Variants in LRFN2 observed in about 807,000 individuals in gnomAD.
LRFN2 encodes leucine rich repeat and fibronectin type III domain containing 2.
LRFN2 carries 18 observed loss-of-function variants against 37.3 expected under a neutral mutation model. That is an observed-to-expected ratio of 0.48 (90% CI 0.33 to 0.72). The LOEUF (loss-of-function observed/expected upper bound fraction) is 0.72. LRFN2 is among the 30% of genes least tolerant of loss of function. The pLI, the probability that LRFN2 is intolerant of heterozygous loss-of-function variation, is 0.02. For missense variants in LRFN2, 1,006 were observed against 1,060.7 expected, an observed-to-expected ratio of 0.95 and a Z score of 0.72; for synonymous variants, 556 against 466.6, an observed-to-expected ratio of 1.19 and a Z score of -2.47.
intron 2 of LRFN2, among the ~76,000 whole-genome samples, chr6:40,418,196 C>T (rs1581689810): frequency 6.6e-6 from 1 of 152,130 alleles, no homozygotes; most frequent in East Asian, 1.9e-4. Flanking sequence ...TGAATGCATC[C>T]CTCCCCAGGG....
Position 40,391,738 on chromosome 6 carries a change from C to G in LRFN2, c.*205G>C. 2.1e-6 allele frequency: 1 copy of G among 472,596 alleles called. No homozygotes were observed. Among genetic ancestry groups the G allele is most frequent in the Non-Finnish European group, 3.6e-6 (1 of 275,580 alleles). The allele number at this position is 472,596 out of a possible 1,614,324, so 29.3% of individuals were successfully genotyped here. On this transcript the variant is annotated 3_prime_UTR_variant, in exon 3 of 3. Coordinates refer to ENST00000338305, the MANE Select transcript of LRFN2 (RefSeq NM_020737.3). ...GGCTCAGTCCGGCATTTGAGCGAGT[C>G]CACATTCCCTGAGCACACCCCGGCC...
chr6:40,451,211 A>G (rs1468464663), intron 1 of LRFN2, among the ~76,000 whole-genome samples: 1 of 152,198 alleles, frequency 6.6e-6, no homozygotes, highest in Non-Finnish European at 1.5e-5. Context: ...ATTTTTCTGT[A>G]AAGAGTGCCC....
At position 40,523,505 on chromosome 6, in the gene LRFN2, A is replaced by ATTT. The variant is rs751179915; in HGVS notation, c.-19+63433_-19+63435dup. Among the ~76,000 whole-genome samples, 18 of 129,314 alleles carry ATTT rather than the reference A, an allele frequency of 1.4e-4. 1 individual carries two copies. The highest frequency in any genetic ancestry group is 2.5e-4 in the East Asian group (1 of 3,978). The allele number at this position is 129,314 out of a possible 152,430, so 84.8% of individuals were successfully genotyped here. ...TAGGACCCTAAAGCATCTTTAGGTG[A>ATTT]TTTTTTTTTTTTTTTTTTTTTTTTT... On this transcript the variant is annotated intron_variant, in intron 1 of 2. Transcript: ENST00000338305.
At chr6:40,416,583 G>A (rs1157980283) in intron 2 of LRFN2, among the ~76,000 whole-genome samples, 1 of 152,168 alleles carries the variant, frequency 6.6e-6, no homozygotes, top group African/African-American at 2.4e-5. Context: ...CCAAGTCCAA[G>A]AGAGTTGCAA....
At chr6:40,480,642 T>A (rs1161457177) in intron 1 of LRFN2, among the ~76,000 whole-genome samples, 1 of 152,116 alleles carries the variant, frequency 6.6e-6, no homozygotes, top group African/African-American at 2.4e-5. Context: ...AGTCTTAGAT[T>A]TGAATCCTGA....
intron 1 of LRFN2, among the ~76,000 whole-genome samples, chr6:40,481,519 A>T (rs1180181024): frequency 1.8e-4 from 27 of 152,078 alleles, no homozygotes; most frequent in Admixed American, 1.8e-3. Context: ...TCAGAATTTC[A>T]TCAATACAGA....
At chr6:40,513,767 A>G (rs205516) in intron 1 of LRFN2, among the ~76,000 whole-genome samples, 4,813 of 152,256 alleles carry the variant, frequency 0.032, 274 homozygotes, top group African/African-American at 0.11. Context: ...AGATTTTAAG[A>G]GTAGTCAGGA....
intron 1 of LRFN2, among the ~76,000 whole-genome samples, chr6:40,581,695 T>C (rs115852578): frequency 0.027 from 4,134 of 152,334 alleles, 93 homozygotes; most frequent in Admixed American, 0.041. Flanking sequence ...TAGGCATTTT[T>C]AGGAGGTTCC....
chr6:40,435,014 C>CAT (rs368583078), intron 1 of LRFN2, among the ~76,000 whole-genome samples: 1,005 of 47,846 alleles, frequency 0.021, 12 homozygotes, highest in Middle Eastern at 0.043. Flanking sequence ...AATGGTTTTA[C>CAT]ATATATATAT....
chr6:40,482,705 T>C (rs1301114495), intron 1 of LRFN2, among the ~76,000 whole-genome samples: 3 of 152,088 alleles, frequency 2.0e-5, no homozygotes, highest in Admixed American at 6.5e-5. Context: ...GCGCCCTCCT[T>C]CTGCACACCC....
intron 1 of LRFN2, among the ~76,000 whole-genome samples, chr6:40,535,038 A>C (rs1422800152): frequency 2.0e-5 from 3 of 152,152 alleles, no homozygotes; most frequent in Non-Finnish European, 4.4e-5. Context: ...CCAGGCTTTT[A>C]ATCACCACTC....
At chr6:40,475,995 A>G (rs770839576) in intron 1 of LRFN2, among the ~76,000 whole-genome samples, 5 of 152,156 alleles carry the variant, frequency 3.3e-5, no homozygotes, top group Non-Finnish European at 5.9e-5. Flanking sequence ...TATATATTAA[A>G]AGCTATATGT....
chr6:40,535,994 A>G (rs1391310856), intron 1 of LRFN2, among the ~76,000 whole-genome samples: 1 of 152,020 alleles, frequency 6.6e-6, no homozygotes, highest in Non-Finnish European at 1.5e-5. Flanking sequence ...TGTTAGAAAG[A>G]CACTGTGCAG....
chr6:40,487,267 G>C (rs1268433430), intron 1 of LRFN2, among the ~76,000 whole-genome samples: 3 of 152,118 alleles, frequency 2.0e-5, no homozygotes, highest in Non-Finnish European at 4.4e-5. Flanking sequence ...CCCTTGGGGA[G>C]GTCATCCAGT....
At chr6:40,515,615 G>A (rs1035539631) in intron 1 of LRFN2, among the ~76,000 whole-genome samples, 8 of 152,290 alleles carry the variant, frequency 5.3e-5, no homozygotes, top group South Asian at 2.1e-4. Context: ...CCGGCTGGGC[G>A]CGGTGGCTCA....
intron 2 of LRFN2, among the ~76,000 whole-genome samples, chr6:40,397,474 G>T (rs1382655325): frequency 6.6e-6 from 1 of 152,144 alleles, no homozygotes; most frequent in Non-Finnish European, 1.5e-5. Flanking sequence ...CTCTGGCTGT[G>T]TCGCCTGCCC....
chr6:40,526,592 C>T (rs1368696243), intron 1 of LRFN2, among the ~76,000 whole-genome samples: 1 of 152,176 alleles, frequency 6.6e-6, no homozygotes, highest in Non-Finnish European at 1.5e-5. Context: ...ATCTGACTCC[C>T]ACTCTCTGTC....
At chr6:40,568,684 TTTCCTTCCTTCCTTCCTTCC>T (rs369194708) in intron 1 of LRFN2, among the ~76,000 whole-genome samples, 3 of 131,934 alleles carry the variant, frequency 2.3e-5, no homozygotes, top group Non-Finnish European at 3.1e-5. Flanking sequence ...GTCTCCCCCA[TTTCCTTCCTTCCTTCCTTCC>T]TTCCTTCCTT....
intron 1 of LRFN2, among the ~76,000 whole-genome samples, chr6:40,477,860 G>A (rs900346747): frequency 1.3e-5 from 2 of 152,182 alleles, no homozygotes; most frequent in African/African-American, 4.8e-5. Context: ...GAGACCCGAC[G>A]CTCCTCTCCA....
Sources: gnomAD v4.1 joint callset for allele counts (sites outside exome capture counted in the v4.1 genomes callset) on GRCh38, gnomAD v4.1.1 for gene constraint, MANE v1.5 for transcripts, NCBI Gene and HGNC (gene_info 2026-07-23, HGNC 2026-07-21) for gene names.